The following GPHN variants were observed in gnomAD, a reference collection of about 807,000 sequenced individuals.
GPHN encodes gephyrin.
In GPHN, 17 loss-of-function variants were observed where a neutral mutation model predicts 95.5. The observed-to-expected ratio is 0.18, with a 90% CI of 0.12 to 0.27. The LOEUF is 0.27. GPHN is among the 10% of genes least tolerant of loss of function. The pLI is 1.00. For missense variants in GPHN, 660 were observed against 978.1 expected, an observed-to-expected ratio of 0.67 and a Z score of 4.34; for synonymous variants, 320 against 322.5, an observed-to-expected ratio of 0.99 and a Z score of 0.08.
chr14:67,214,193 G>T, the GPHN span, among the ~76,000 whole-genome samples: 1 of 152,046 alleles, frequency 6.6e-6, no homozygotes, highest in Non-Finnish European at 1.5e-5. Context: ...GTCAATTTTG[G>T]CTTTTGTTGC....
chr14:67,136,412 A>C (rs1033014587), intron 17 of GPHN, among the ~76,000 whole-genome samples: 3 of 152,212 alleles, frequency 2.0e-5, no homozygotes, highest in Admixed American at 6.5e-5. Context: ...TTTTGTTGTG[A>C]AGGCTGGACT....
the GPHN span, chr14:67,573,437 C>T: frequency 9.0e-7 from 1 of 1,109,234 alleles, no homozygotes; most frequent in Non-Finnish European, 1.4e-6. This position sits in a 1 kb window ranked among gnomAD's most constrained non-coding sequence, Gnocchi z 4.8. Context: ...CACATCACAC[C>T]CTGGACTATG....
intron 5 of GPHN, among the ~76,000 whole-genome samples, chr14:66,910,312 A>T (rs2065608933): frequency 6.6e-6 from 1 of 151,988 alleles, no homozygotes; most frequent in African/African-American, 2.4e-5. Context: ...TTTTACAGTG[A>T]ATACTTAAGA....
chr14:67,312,730 A>G, the GPHN span: 2 of 1,529,650 alleles, frequency 1.3e-6, no homozygotes, highest in Non-Finnish European at 1.8e-6. Flanking sequence ...AATATGGTAG[A>G]AAGTACATAA....
chr14:66,775,014 CT>C (rs538751816), intron 2 of GPHN, among the ~76,000 whole-genome samples: 9 of 149,368 alleles, frequency 6.0e-5, no homozygotes, highest in South Asian at 2.1e-4. Context: ...CCTATACGTT[CT>C]TTTTTTTTTC....
At chr14:67,554,443 G>A in the GPHN span, among the ~76,000 whole-genome samples, 3 of 152,300 alleles carry the variant, frequency 2.0e-5, no homozygotes, top group African/African-American at 4.8e-5. Flanking sequence ...GTCCAGCCTC[G>A]TGGAAGGCGT....
intron 4 of GPHN, among the ~76,000 whole-genome samples, chr14:66,826,709 A>T (rs575992779): frequency 2.0e-5 from 3 of 152,292 alleles, no homozygotes; most frequent in African/African-American, 7.2e-5. Flanking sequence ...AATGCAGGAG[A>T]TGCACAGGGC....
intron 6 of GPHN, among the ~76,000 whole-genome samples, chr14:66,917,847 C>G (rs1020339737): frequency 2.0e-5 from 3 of 152,138 alleles, no homozygotes; most frequent in African/African-American, 7.2e-5. Flanking sequence ...ACTCAGGGAT[C>G]AAAGGTTCAT....
intron 1 of GPHN, among the ~76,000 whole-genome samples, chr14:66,665,471 T>C (rs1484442187): frequency 2.0e-5 from 3 of 152,152 alleles, no homozygotes; most frequent in Non-Finnish European, 2.9e-5. Context: ...AAAGAAGACA[T>C]TTATGCAGCC....
the GPHN span, among the ~76,000 whole-genome samples, chr14:67,236,317 T>A: frequency 6.6e-6 from 1 of 152,222 alleles, no homozygotes; most frequent in Non-Finnish European, 1.5e-5. Context: ...CAGAGCAGTT[T>A]ATTCACTGTT....
At chr14:67,169,378 CT>C (rs2082469008) in intron 21 of GPHN, among the ~76,000 whole-genome samples, 1 of 152,310 alleles carries the variant, frequency 6.6e-6, no homozygotes. Flanking sequence ...GGAGAATTTT[CT>C]TTTCCCCATG....
At chr14:66,738,755 T>G (rs1282514632) in intron 2 of GPHN, among the ~76,000 whole-genome samples, 2 of 152,190 alleles carry the variant, frequency 1.3e-5, no homozygotes, top group Non-Finnish European at 2.9e-5. Context: ...TATGTTAATT[T>G]CATAAATTTA....
chr14:67,368,901 A>C, the GPHN span, among the ~76,000 whole-genome samples: 1 of 152,178 alleles, frequency 6.6e-6, no homozygotes, highest in Non-Finnish European at 1.5e-5. Context: ...TAAAAGCCAA[A>C]GATATATTAA....
intron 2 of GPHN, among the ~76,000 whole-genome samples, chr14:66,690,771 C>G (rs2067714621): frequency 6.6e-6 from 1 of 151,998 alleles, no homozygotes; most frequent in Non-Finnish European, 1.5e-5. Context: ...TTCTTTGTTT[C>G]TTTTTAGTTG....
chr14:66,590,242 C>T lies in GPHN; in HGVS notation c.64+81651C>T, dbSNP rs143718700. On this transcript the variant is annotated intron_variant, in intron 1 of 22. Transcript: ENST00000478722. ...AAGCGGGCAAGATCTAACATCGACA[C>T]CCTAACATCACAATAAAAGAACTAG... 4.0e-4 allele frequency among the ~76,000 whole-genome samples: 61 copies of T among 152,170 alleles called. 1 individual carries two copies. In the East Asian group the frequency reaches 0.01, roughly 26 times the overall value.
chr14:67,589,960 A>G, the GPHN span: 2 of 1,369,682 alleles, frequency 1.5e-6, no homozygotes, highest in South Asian at 1.9e-5. Flanking sequence ...AAGATGCACT[A>G]CATCCATAAT....
At chr14:66,960,581 C>T (rs957912654) in intron 8 of GPHN, among the ~76,000 whole-genome samples, 1 of 151,922 alleles carries the variant, frequency 6.6e-6, no homozygotes, top group African/African-American at 2.4e-5. Context: ...ATACCTAGAA[C>T]CAAAAAATTA....
At chr14:66,588,080 T>A (rs974016111) in intron 1 of GPHN, among the ~76,000 whole-genome samples, 9 of 152,066 alleles carry the variant, frequency 5.9e-5, no homozygotes, top group Non-Finnish European at 8.8e-5. Flanking sequence ...CCTCCGCTGG[T>A]GATACCTAGG....
chr14:67,663,414 C>A, the GPHN span, among the ~76,000 whole-genome samples: 1 of 152,066 alleles, frequency 6.6e-6, no homozygotes, highest in African/African-American at 2.4e-5. Flanking sequence ...TGACTCACGC[C>A]TGTAATCCCA....
Sources: allele counts gnomAD v4.1 joint callset (sites outside exome capture counted in the v4.1 genomes callset), GRCh38; gene constraint gnomAD v4.1.1; non-coding constraint Gnocchi (gnomAD v3.1); transcripts MANE v1.5; gene names NCBI Gene and HGNC (gene_info 2026-07-23, HGNC 2026-07-21).